NOS1AP: variants seen among roughly 807,000 people sequenced by gnomAD.
NOS1AP encodes the protein nitric oxide synthase 1 adaptor protein, also known as carboxyl-terminal PDZ ligand of neuronal nitric oxide synthase protein.
A neutral mutation model predicts 56.2 loss-of-function variants in NOS1AP; 21 were observed. The observed-to-expected ratio is 0.37, with a 90% CI of 0.26 to 0.54. The LOEUF (loss-of-function observed/expected upper bound fraction) is 0.54, where lower values mean the gene tolerates loss of function less well. NOS1AP is among the 20% of genes least tolerant of loss of function. The probability of loss-of-function intolerance (pLI) is 0.84; values close to 1 mark genes in which losing one functional copy is unlikely to be tolerated. For missense variants in NOS1AP, 522 were observed against 657.8 expected, an observed-to-expected ratio of 0.79 and a Z score of 2.26; for synonymous variants, 270 against 274.6, an observed-to-expected ratio of 0.98 and a Z score of 0.17.
intron 1 of NOS1AP, among the ~76,000 whole-genome samples, chr1:162,120,079 GTATATACATA>G (rs1648143110): frequency 6.6e-6 from 1 of 151,710 alleles, no homozygotes; most frequent in Non-Finnish European, 1.5e-5. Context: ...TATGTATATG[GTATATACATA>G]TGTATATGAT....
intron 2 of NOS1AP, among the ~76,000 whole-genome samples, chr1:162,249,828 G>C (rs1225509156): frequency 1.3e-5 from 2 of 152,188 alleles, no homozygotes; most frequent in Admixed American, 6.5e-5. Flanking sequence ...CTGAAGGAGA[G>C]AGTCCAGTGT....
At chr1:162,133,627 C>T (rs1648852305) in intron 1 of NOS1AP, among the ~76,000 whole-genome samples, 1 of 152,192 alleles carries the variant, frequency 6.6e-6, no homozygotes, top group Non-Finnish European at 1.5e-5. Context: ...TTGAGTGACT[C>T]ATATGTGGTT....
chr1:162,368,131 A>G lies in NOS1AP; in HGVS notation c.*664A>G, dbSNP rs1446701025. 8 of 152,558 alleles carry G rather than the reference A, an allele frequency of 5.2e-5. No individual in the cohort carries two copies. The highest frequency in any genetic ancestry group is 5.2e-4 in the Admixed American group (8 of 15,296). 9.5% of individuals were successfully genotyped at this position (152,558 alleles called of 1,614,324 possible). ...CAGCCGGACATTGAATGTTGCTACA[A>G]AGGGAGCCTTGAAGCTTTAACATGG... On this transcript the variant is annotated 3_prime_UTR_variant, in exon 10 of 10. Transcript: ENST00000361897.
chr1:162,165,020 C>T (rs1480687730), intron 2 of NOS1AP, among the ~76,000 whole-genome samples: 5 of 152,138 alleles, frequency 3.3e-5, no homozygotes, highest in African/African-American at 1.2e-4. Context: ...GTAAGGGTCA[C>T]ATAAAGAAAA....
At chr1:162,098,496 T>A (rs1008328148) in intron 1 of NOS1AP, among the ~76,000 whole-genome samples, 3 of 21,232 alleles carry the variant, frequency 1.4e-4, no homozygotes, top group Non-Finnish European at 4.1e-4. Flanking sequence ...AACGGTGTCG[T>A]TTTTTTTTTT....
At chr1:162,344,029 G>A in intron 6 of NOS1AP, 53 bp downstream of exon 6, 2 of 1,603,310 alleles carry the variant, frequency 1.2e-6, no homozygotes, top group Non-Finnish European at 1.7e-6. Flanking sequence ...CACACAGTAG[G>A]CTCTGGTGGA....
At chr1:162,334,221 G>A (rs939918288) in intron 5 of NOS1AP, among the ~76,000 whole-genome samples, 6 of 152,140 alleles carry the variant, frequency 3.9e-5, no homozygotes, top group Admixed American at 6.5e-5. Context: ...CTTCCTCTAT[G>A]GAGATTTGTG....
At chr1:162,218,953 A>T (rs529905217) in intron 2 of NOS1AP, among the ~76,000 whole-genome samples, 51 of 152,218 alleles carry the variant, frequency 3.4e-4, no homozygotes, top group African/African-American at 1.1e-3. Context: ...AGTTTTTCAC[A>T]TGCAGTTTTT....
chr1:162,346,946 A>T (rs1657315055), intron 6 of NOS1AP, among the ~76,000 whole-genome samples: 1 of 152,206 alleles, frequency 6.6e-6, no homozygotes, highest in South Asian at 2.1e-4. Context: ...TACTAATGTG[A>T]TGTAAACCTT....
At position 162,367,377 on chromosome 1, in the gene NOS1AP, C is replaced by G. The variant is rs776163913; in HGVS notation, c.1431C>G (p.Asp477Glu). Residue 477 changes from aspartate to glutamate, a missense_variant, in exon 10 of 10, where the codon GAC becomes GAG. Asp to Glu is a conservative substitution (Grantham distance 45). Transcript: ENST00000361897. The surrounding 1 kb of genome is among the most constrained non-coding windows in gnomAD (Gnocchi z 6.5). ...ESNTDESEER[D>E]SWSQEELPRL... is the part of the protein sequence containing the mutation. ...ACACGGACGAGAGCGAGGAGCGCGA[C>G]TCGTGGTCCCAGGAGGAGCTGCCGC... The G allele has an allele frequency of 2.3e-5, 37 of 1,609,554 alleles. No homozygotes were observed. The South Asian group carries it at 4.1e-4, about 18-fold the overall frequency.
At chr1:162,204,196 T>C (rs902714751) in intron 2 of NOS1AP, among the ~76,000 whole-genome samples, 7 of 152,218 alleles carry the variant, frequency 4.6e-5, no homozygotes, top group Admixed American at 1.3e-4. Flanking sequence ...CCTGGTTGAC[T>C]TCACTTTGTG....
At chr1:162,341,330 T>C (rs541163025) in intron 5 of NOS1AP, among the ~76,000 whole-genome samples, 3 of 152,290 alleles carry the variant, frequency 2.0e-5, no homozygotes, top group South Asian at 2.1e-4. Context: ...TAACTGTATT[T>C]TAAAGGGGGA....
intron 2 of NOS1AP, among the ~76,000 whole-genome samples, chr1:162,234,560 C>T (rs975192005): frequency 6.6e-6 from 1 of 152,158 alleles, no homozygotes; most frequent in Non-Finnish European, 1.5e-5. Context: ...ATTCCTCCCA[C>T]GTGGAGCCAA....
At chr1:162,361,277 C>CA (rs35812318) in intron 8 of NOS1AP, among the ~76,000 whole-genome samples, 98 of 150,298 alleles carry the variant, frequency 6.5e-4, no homozygotes, top group East Asian at 1.2e-3. Context: ...ATGCTAAATA[C>CA]AAAAAAAAAA....
intron 4 of NOS1AP, among the ~76,000 whole-genome samples, chr1:162,332,426 A>T (rs347305): frequency 0.99 from 151,562 of 152,336 alleles, 75,402 homozygotes; most frequent in East Asian, 1. Context: ...TCCTGTTGTG[A>T]CCCTGGCTGC....
intron 2 of NOS1AP, among the ~76,000 whole-genome samples, chr1:162,164,275 C>T (rs1459061429): frequency 6.6e-6 from 1 of 152,160 alleles, no homozygotes; most frequent in Admixed American, 6.5e-5. Context: ...TTTAGGGACC[C>T]TTTGGTTCAT....
chr1:162,298,981 C>A (rs922133159), intron 3 of NOS1AP, among the ~76,000 whole-genome samples: 1 of 152,216 alleles, frequency 6.6e-6, no homozygotes, highest in African/African-American at 2.4e-5. Flanking sequence ...GTGGTCACGG[C>A]TATAGATGTG....
chr1:162,156,704 G>A lies in NOS1AP; in HGVS notation c.177+2228G>A, dbSNP rs74125938. 5.3e-3 allele frequency among the ~76,000 whole-genome samples: 803 copies of A among 152,236 alleles called. 6 individuals carry two copies. The highest frequency in any genetic ancestry group is 0.019 in the African/African-American group (769 of 41,540). ...CTCTGTTAATAGTAGCTACTATTAG[G>A]AATAGCTACTTATGTGCCAGGTGCT... On this transcript the variant is annotated intron_variant, in intron 2 of 9. Transcript: ENST00000361897.
intron 1 of NOS1AP, among the ~76,000 whole-genome samples, chr1:162,143,378 A>G (rs1254612585): frequency 6.6e-6 from 1 of 152,190 alleles, no homozygotes; most frequent in Non-Finnish European, 1.5e-5. Flanking sequence ...AAAGCTACAA[A>G]TTCTGTACCT....
Sources: allele counts gnomAD v4.1 joint callset (sites outside exome capture counted in the v4.1 genomes callset), GRCh38; gene constraint gnomAD v4.1.1; non-coding constraint Gnocchi (gnomAD v3.1); transcripts MANE v1.5; gene names NCBI Gene and HGNC (gene_info 2026-07-23, HGNC 2026-07-21).